B3GALT1: variants seen among roughly 807,000 people sequenced by gnomAD.
B3GALT1 encodes UDP-Gal:betaGlcNAc beta 1,3-galactosyltransferase, polypeptide 1.
Under a neutral mutation model 23.2 loss-of-function variants are expected in B3GALT1, and 10 were observed. That is an observed-to-expected ratio of 0.43 (90% confidence interval 0.27 to 0.73). The LOEUF is 0.73. Ranked by LOEUF, B3GALT1 falls within the 30% of genes least tolerant of loss-of-function variation. The pLI, the probability that B3GALT1 is intolerant of heterozygous loss-of-function variation, is 0.21. For synonymous variants in B3GALT1, 156 were observed against 141.5 expected (o/e 1.10, Z -0.73); for missense variants, 299 against 405.4 (o/e 0.74, Z 2.25).
intron 1 of B3GALT1, among the ~76,000 whole-genome samples, chr2:167,308,170 A>G (rs945941864): frequency 2.6e-5 from 4 of 152,036 alleles, no homozygotes; most frequent in African/African-American, 9.7e-5. Flanking sequence ...CTATAATAAT[A>G]TCTCTATTTT....
intron 1 of B3GALT1, among the ~76,000 whole-genome samples, chr2:167,413,047 G>A (rs180957353): frequency 1.3e-5 from 2 of 152,226 alleles, no homozygotes; most frequent in Admixed American, 1.3e-4. Context: ...AAGAGTAGCA[G>A]AAAGGGGCTT....
chr2:167,844,271 T>G (rs906229258), intron 4 of B3GALT1, among the ~76,000 whole-genome samples: 2 of 152,146 alleles, frequency 1.3e-5, no homozygotes, highest in African/African-American at 4.8e-5. Flanking sequence ...GGATTGCAGC[T>G]CCACACAGAG....
chr2:167,834,500 T>C (rs1689417889), intron 4 of B3GALT1, among the ~76,000 whole-genome samples: 1 of 152,332 alleles, frequency 6.6e-6, no homozygotes, highest in Non-Finnish European at 1.5e-5. Context: ...GAGACTTCAG[T>C]TCTAGGTTAG....
Position 167,509,667 on chromosome 2 carries a change from G to T in B3GALT1, c.-410+19390G>T, listed in dbSNP as rs560033212. Among the ~76,000 whole-genome samples the T allele has an allele frequency of 5.3e-5, 8 of 152,242 alleles. No individual in the cohort carries two copies. The South Asian group carries it at 1.7e-3, about 32-fold the overall frequency. On this transcript the variant is annotated intron_variant, in intron 2 of 4. Coordinates refer to ENST00000392690, the MANE Select transcript of B3GALT1 (RefSeq NM_020981.4). ...TTAGGAGGTACAAAGACCTTGACAC[G>T]AGAGAATGCCTGGCATGGTCAATGA...
At position 167,361,710 on chromosome 2, in the gene B3GALT1, A is replaced by G. The variant is rs944332399; in HGVS notation, c.-511+68376A>G. 2.6e-5 allele frequency among the ~76,000 whole-genome samples: 4 copies of G among 152,170 alleles called. No homozygotes were observed. In the South Asian group the frequency reaches 8.3e-4, roughly 32 times the overall value. ...GTCAACATGCTGACAGCCAACACCA[A>G]TCAACACTTATTCCTGTTTCCTTGT... On this transcript the variant is annotated intron_variant, in intron 1 of 4. Transcript: ENST00000392690.
intron 2 of B3GALT1, among the ~76,000 whole-genome samples, chr2:167,546,993 C>G (rs891414066): frequency 2.0e-5 from 3 of 152,196 alleles, no homozygotes; most frequent in East Asian, 1.9e-4. Context: ...ATCCTGGATT[C>G]TGCTCCTCAG....
chr2:167,427,447 T>G (rs1180623543), intron 1 of B3GALT1, among the ~76,000 whole-genome samples: 1 of 152,230 alleles, frequency 6.6e-6, no homozygotes, highest in African/African-American at 2.4e-5. Context: ...AAATGTCATC[T>G]TTCATGACCA....
intron 3 of B3GALT1, among the ~76,000 whole-genome samples, chr2:167,755,736 G>A (rs764683380): frequency 3.9e-5 from 6 of 152,056 alleles, no homozygotes; most frequent in Non-Finnish European, 8.8e-5. Flanking sequence ...AGGAGGCCAA[G>A]GCAAGAGGAT....
At chr2:167,661,760 A>G (rs908975628) in intron 3 of B3GALT1, among the ~76,000 whole-genome samples, 1 of 152,120 alleles carries the variant, frequency 6.6e-6, no homozygotes, top group Non-Finnish European at 1.5e-5. Context: ...GTTCTCATCT[A>G]TGTGATTATA....
At chr2:167,484,783 CT>C (rs1233221551) in intron 1 of B3GALT1, among the ~76,000 whole-genome samples, 11 of 152,268 alleles carry the variant, frequency 7.2e-5, no homozygotes, top group Non-Finnish European at 1.3e-4. Context: ...AGAAAAAGAA[CT>C]AGAAAGGGAA....
At chr2:167,568,436 T>C (rs559097507) in intron 2 of B3GALT1, among the ~76,000 whole-genome samples, 2 of 152,144 alleles carry the variant, frequency 1.3e-5, no homozygotes, top group African/African-American at 4.8e-5. Flanking sequence ...GTCATTCTAA[T>C]AGATAGGTAG....
intron 3 of B3GALT1, among the ~76,000 whole-genome samples, chr2:167,800,512 A>G (rs746281341): frequency 1.3e-5 from 2 of 152,182 alleles, no homozygotes; most frequent in Non-Finnish European, 1.5e-5. Context: ...AAGATATACA[A>G]ATACAATTAA....
At position 167,761,083 on chromosome 2, in the gene B3GALT1, T is replaced by C. The variant is rs147452825; in HGVS notation, c.-351-57589T>C. Among the ~76,000 whole-genome samples, 673 of 152,208 alleles carry C rather than the reference T, an allele frequency of 4.4e-3. 5 individuals carry two copies. The highest frequency in any genetic ancestry group is 0.01 in the Admixed American group (154 of 15,288). On this transcript the variant is annotated intron_variant, in intron 3 of 4. Transcript: ENST00000392690. ...ATTCATTGGCAGCATGGTCTCAGGG[T>C]TCTAGATCATTTTTCCAAGTGAAAA...
chr2:167,644,213 C>G (rs1685704689), intron 2 of B3GALT1, among the ~76,000 whole-genome samples: 1 of 152,094 alleles, frequency 6.6e-6, no homozygotes, highest in Middle Eastern at 3.4e-3. Flanking sequence ...AGTAAATGGT[C>G]AAAAGTCAGA....
At chr2:167,709,642 C>G (rs868335614) in intron 3 of B3GALT1, among the ~76,000 whole-genome samples, 3 of 152,250 alleles carry the variant, frequency 2.0e-5, no homozygotes, top group Non-Finnish European at 4.4e-5. Context: ...AGTTGTACAT[C>G]AGAATGCTAC....
chr2:167,336,020 A>C (rs145882205), intron 1 of B3GALT1, among the ~76,000 whole-genome samples: 418 of 152,106 alleles, frequency 2.7e-3, no homozygotes, highest in African/African-American at 3.9e-3. Flanking sequence ...TTAAAAAAAA[A>C]CGATATTTTG....
chr2:167,762,186 G>A (rs1175388588), intron 3 of B3GALT1, among the ~76,000 whole-genome samples: 1 of 152,106 alleles, frequency 6.6e-6, no homozygotes, highest in Non-Finnish European at 1.5e-5. Flanking sequence ...GCTTCATAGT[G>A]GTTTGGTTTT....
At chr2:167,690,877 G>T (rs1686701137) in intron 3 of B3GALT1, among the ~76,000 whole-genome samples, 1 of 152,078 alleles carries the variant, frequency 6.6e-6, no homozygotes, top group African/African-American at 2.4e-5. Flanking sequence ...GCATGCAGAA[G>T]AATGCTTTCT....
rs527844538 is a variant in B3GALT1, at chr2:167,783,721, A to G, written c.-351-34951A>G. ...GACTCGGCAGGGGGCAGGGGGAAAT[A>G]GAGGTCAAAGAGACAGTGTGCCCCT... On this transcript the variant is annotated intron_variant, in intron 3 of 4. Coordinates refer to ENST00000392690, the MANE Select transcript of B3GALT1 (RefSeq NM_020981.4). Among the ~76,000 whole-genome samples, 225 of 152,304 alleles carry G rather than the reference A, an allele frequency of 1.5e-3. 3 individuals are homozygous for G. The highest frequency in any genetic ancestry group is 4.7e-3 in the African/African-American group (196 of 41,568).
Sources: gnomAD v4.1 joint callset for allele counts (sites outside exome capture counted in the v4.1 genomes callset) on GRCh38, gnomAD v4.1.1 for gene constraint, MANE v1.5 for transcripts, NCBI Gene and HGNC (gene_info 2026-07-23, HGNC 2026-07-21) for gene names.